Variants in WNK1 observed in about 807,000 individuals in gnomAD.
The protein encoded by WNK1 is serine/threonine-protein kinase WNK1.
A neutral mutation model predicts 222.8 loss-of-function variants in WNK1; 38 were observed. The ratio of observed to expected loss-of-function variants is 0.17; its 90% confidence interval spans 0.13 to 0.22. WNK1 has a LOEUF of 0.22. WNK1 is among the 10% of genes least tolerant of loss of function. The probability of loss-of-function intolerance (pLI) is 1.00; values close to 1 mark genes in which losing one functional copy is unlikely to be tolerated. For synonymous variants in WNK1, 1,090 were observed against 1,092.9 expected (o/e 1.00, Z 0.05); for missense variants, 2,348 against 2,918.4 (o/e 0.80, Z 4.50).
At chr12:808,753 A>G (rs1050950270) in intron 1 of WNK1, among the ~76,000 whole-genome samples, 2 of 133,390 alleles carry the variant, frequency 1.5e-5, no homozygotes, top group Non-Finnish European at 3.1e-5. Flanking sequence ...AGAAAACTGT[A>G]TCTCTCTCTT....
intron 4 of WNK1, among the ~76,000 whole-genome samples, chr12:842,977 C>G (rs1949743810): frequency 6.6e-6 from 1 of 151,980 alleles, no homozygotes; most frequent in African/African-American, 2.4e-5. Flanking sequence ...TCGCTGTCGC[C>G]CAGGTTGGAA....
At chr12:763,471 C>T (rs1941299683) in intron 1 of WNK1, among the ~76,000 whole-genome samples, 1 of 146,610 alleles carries the variant, frequency 6.8e-6, no homozygotes, top group Admixed American at 6.8e-5. Context: ...TGCCTGTAAT[C>T]CCAGCTACTT....
At chr12:818,181 C>A (rs1947532864) in intron 2 of WNK1, among the ~76,000 whole-genome samples, 1 of 152,184 alleles carries the variant, frequency 6.6e-6, no homozygotes, top group Admixed American at 6.5e-5. Context: ...CTGCATTTCC[C>A]TTCCTCCAGC....
intron 8 of WNK1, among the ~76,000 whole-genome samples, chr12:867,214 TGTA>T (rs1951748472): frequency 6.6e-6 from 1 of 152,216 alleles, no homozygotes; most frequent in Admixed American, 6.5e-5. Flanking sequence ...ACATGTTTCA[TGTA>T]GTAAAAATAT....
chr12:868,367 C>T (rs548198199), intron 8 of WNK1: 1 of 1,613,922 alleles, frequency 6.2e-7, no homozygotes, highest in Admixed American at 1.7e-5. Flanking sequence ...TCCTATGAAA[C>T]AGATACCTGA....
chr12:790,952 C>T (rs1200493641), intron 1 of WNK1, among the ~76,000 whole-genome samples: 1 of 151,990 alleles, frequency 6.6e-6, no homozygotes. Context: ...CTAGGTTTAA[C>T]CAGGTCTTCT....
chr12:754,832 A>G (rs897900420), intron 1 of WNK1, among the ~76,000 whole-genome samples: 8 of 151,850 alleles, frequency 5.3e-5, no homozygotes, highest in Non-Finnish European at 8.8e-5. Flanking sequence ...TTAAAAAAAG[A>G]CTCTTCTCTG....
At chr12:870,175 A>G (rs1203424034) in intron 8 of WNK1, among the ~76,000 whole-genome samples, 6 of 152,194 alleles carry the variant, frequency 3.9e-5, no homozygotes, top group African/African-American at 1.2e-4. Flanking sequence ...AACTCCCAAA[A>G]TGTGCACAAA....
At chr12:857,383 A>G (rs1305676561) in intron 5 of WNK1, 134 bp downstream of exon 5, 1 of 865,560 alleles carries the variant, frequency 1.2e-6, no homozygotes, top group African/African-American at 1.7e-5. Context: ...AACATTTTTA[A>G]AGGTAGGGTT....
At chr12:822,401 T>C (rs924450517) in intron 2 of WNK1, among the ~76,000 whole-genome samples, 2 of 152,214 alleles carry the variant, frequency 1.3e-5, no homozygotes, top group African/African-American at 4.8e-5. Flanking sequence ...CCGTAATATA[T>C]CACATTCCTA....
In WNK1 at chr12:900,747, C is replaced by T. The variant is rs180690248; in HGVS notation, c.6643+77C>T. On this transcript the variant is annotated intron_variant, in intron 26 of 27. Coordinates refer to ENST00000315939, the MANE Select transcript of WNK1 (RefSeq NM_018979.4). Reference sequence around the variant, plus strand: ...TACCTGGGACAAAAGCCTGTTAAGGCGGGTTGGGAGACTAGCTGACCAGAA... The same window carrying T: ...TACCTGGGACAAAAGCCTGTTAAGGTGGGTTGGGAGACTAGCTGACCAGAA... 838 of 1,575,372 alleles carry T rather than the reference C, an allele frequency of 5.3e-4. 1 individual carries two copies. The highest frequency in any genetic ancestry group is 6.8e-4 in the Non-Finnish European group (783 of 1,146,022).
chr12:831,082 G>A (rs1390868135), intron 4 of WNK1, among the ~76,000 whole-genome samples: 1 of 152,112 alleles, frequency 6.6e-6, no homozygotes. Context: ...TTTCTGTAAG[G>A]AGAAGTTTAC....
chr12:885,755 G>A lies in WNK1; in HGVS notation c.4951G>A (p.Asp1651Asn). ...ACAACCCAAAGCTCCTGGAATTGAT[G>A]ACATAAAGACTCTAGAAGAAAAGCT... ...DTQPKAPGID[D>N]IKTLEEKLRS... The change falls in exon 19 of 28, where the codon GAC becomes AAC. Residue 1651 changes from aspartate (D) to asparagine (N), a missense_variant. By Grantham distance (23) the Asp-to-Asn change is conservative. Coordinates refer to ENST00000315939, the MANE Select transcript of WNK1 (RefSeq NM_018979.4). 1 of 1,614,188 alleles carries A rather than the reference G, an allele frequency of 6.2e-7. No homozygotes were observed.
chr12:848,614 C>T (rs1454725323), intron 4 of WNK1, among the ~76,000 whole-genome samples: 2 of 147,630 alleles, frequency 1.4e-5, no homozygotes, highest in African/African-American at 2.5e-5. Context: ...GTTAAGAGCC[C>T]ATAGAGAATA....
Position 897,719 on chromosome 12 carries a change from A to G in WNK1, c.6448+38A>G, listed in dbSNP as rs181086146. The G allele has an allele frequency of 4.7e-4, 751 of 1,600,654 alleles. 6 individuals carry two copies. The East Asian group carries it at 0.014, about 29-fold the overall frequency. On this transcript the variant is annotated intron_variant, in intron 25 of 27. Transcript: ENST00000315939. ...GGACTAGGTCAGCCACAGCTGTCCT[A>G]TCTTTTGTTTCTGTCTCCAGCTGTA...
At position 885,903 on chromosome 12, in the gene WNK1, G is replaced by A. The variant is rs1592176805; in HGVS notation, c.5099G>A (p.Ser1700Asn). ...ATCCCAACTACTGCTGTTGCACCAA[G>A]CAAACTCCTGACTTCTACCACAAGT... ...PGIPTTAVAP[S>N]KLLTSTTSTC... Residue 1700 changes from serine to asparagine, a missense_variant, in exon 19 of 28, where the codon AGC becomes AAC. By Grantham distance (46) the Ser-to-Asn change is conservative. This residue lies in a region of WNK1 where 1,144 missense variants were observed against 1,273.6 expected (regional missense o/e 0.90). Transcript: ENST00000315939. The A allele has an allele frequency of 6.2e-7, 1 of 1,608,944 alleles. No homozygotes were observed. The highest frequency in any genetic ancestry group is 2.2e-5 in the East Asian group (1 of 44,804).
At chr12:773,257 T>A (rs1418944866) in intron 1 of WNK1, among the ~76,000 whole-genome samples, 1 of 149,594 alleles carries the variant, frequency 6.7e-6, no homozygotes, top group African/African-American at 2.5e-5. Flanking sequence ...AAACTCCATC[T>A]CAAAAAAAAA....
chr12:867,989 G>A (rs768784727), intron 8 of WNK1: 1 of 1,613,968 alleles, frequency 6.2e-7, no homozygotes, highest in Non-Finnish European at 8.5e-7. Flanking sequence ...ACCGAAAGTA[G>A]CCATTTCCCA....
At chr12:894,133 A>G (rs1954533867) in intron 22 of WNK1, among the ~76,000 whole-genome samples, 1 of 151,964 alleles carries the variant, frequency 6.6e-6, no homozygotes, top group Non-Finnish European at 1.5e-5. Flanking sequence ...CAGGAGGATC[A>G]CCTGAACCCA....
Sources: gnomAD v4.1 joint callset for allele counts (sites outside exome capture counted in the v4.1 genomes callset) on GRCh38, gnomAD v4.1.1 for gene constraint, gnomAD v4.1.1 regional missense constraint, MANE v1.5 for transcripts, NCBI Gene and HGNC (gene_info 2026-07-23, HGNC 2026-07-21) for gene names.